Variants in RIGI observed in about 807,000 individuals in gnomAD.
RIGI encodes RNA sensor RIG-I, also known as antiviral innate immune response receptor RIG-I.
At chr9:32,480,281 A>G in the RIGI span, 1 of 1,611,784 alleles carries the variant, frequency 6.2e-7, no homozygotes, top group Non-Finnish European at 8.5e-7. Context: ...GACATTGCTG[A>G]AGAAGTCTTT....
At chr9:32,509,288 C>T in the RIGI span, among the ~76,000 whole-genome samples, 1 of 152,234 alleles carries the variant, frequency 6.6e-6, no homozygotes, top group Non-Finnish European at 1.5e-5. Flanking sequence ...GTCCCTGATA[C>T]CTGTGCCTCC....
the RIGI span, among the ~76,000 whole-genome samples, chr9:32,519,342 C>T: frequency 6.6e-6 from 1 of 152,126 alleles, no homozygotes; most frequent in East Asian, 1.9e-4. Flanking sequence ...TCCAGTATCT[C>T]ATCATTTGCT....
the RIGI span, chr9:32,492,630 T>C: frequency 6.8e-7 from 1 of 1,467,382 alleles, no homozygotes; most frequent in Middle Eastern, 1.8e-4. Context: ...ATGTACTATC[T>C]GATTTAAAGC....
the RIGI span, among the ~76,000 whole-genome samples, chr9:32,505,770 A>C: frequency 6.6e-6 from 1 of 152,188 alleles, no homozygotes; most frequent in African/African-American, 2.4e-5. Context: ...GCATAGTTTT[A>C]TGTCACATAA....
chr9:32,481,599 T>TC, the RIGI span: 27 of 887,942 alleles, frequency 3.0e-5, no homozygotes, highest in Non-Finnish European at 4.0e-5. Flanking sequence ...TTTTTTTTTT[T>TC]CCTCGAGGCA....
the RIGI span, chr9:32,525,997 G>C: frequency 3.8e-5 from 48 of 1,259,636 alleles, no homozygotes; most frequent in Non-Finnish European, 4.7e-5. Context: ...AGAAGGGAAC[G>C]AAGCAAGAGA....
the RIGI span, among the ~76,000 whole-genome samples, chr9:32,510,726 C>G: frequency 5.9e-5 from 9 of 152,174 alleles, no homozygotes; most frequent in Non-Finnish European, 1.0e-4. Flanking sequence ...GGATCAAATT[C>G]ACACATAACA....
At chr9:32,493,000 A>G in the RIGI span, among the ~76,000 whole-genome samples, 1 of 152,212 alleles carries the variant, frequency 6.6e-6, no homozygotes, top group African/African-American at 2.4e-5. Flanking sequence ...AGTACTTTAC[A>G]TATATTATCT....
the RIGI span, chr9:32,456,835 A>G: frequency 1.4e-5 from 5 of 354,758 alleles, no homozygotes; most frequent in Non-Finnish European, 2.6e-5. Context: ...CAGTGTGTAC[A>G]GAGTGATTAC....
At chr9:32,462,403 GCT>G in the RIGI span, among the ~76,000 whole-genome samples, 28 of 111,584 alleles carry the variant, frequency 2.5e-4, no homozygotes, top group Non-Finnish European at 4.3e-4. Flanking sequence ...ATTAGATCTA[GCT>G]TTTTTTTTTT....
At chr9:32,491,968 G>A in the RIGI span, among the ~76,000 whole-genome samples, 425 of 152,238 alleles carry the variant, frequency 2.8e-3, 3 homozygotes, top group African/African-American at 9.7e-3. Context: ...TCTTTCACCC[G>A]TCGGATTCAG....
At chr9:32,525,961 C>G in the RIGI span, 2 of 946,936 alleles carry the variant, frequency 2.1e-6, no homozygotes, top group Non-Finnish European at 3.4e-6. Flanking sequence ...CCTGGGGAGT[C>G]TGGCAGGCTC....
At chr9:32,477,700 G>C in the RIGI span, among the ~76,000 whole-genome samples, 3 of 152,134 alleles carry the variant, frequency 2.0e-5, no homozygotes. Context: ...TGAGATGGGT[G>C]GATCACCTGA....
At chr9:32,489,011 G>A in the RIGI span, 1 of 823,174 alleles carries the variant, frequency 1.2e-6, no homozygotes, top group Non-Finnish European at 1.8e-6. Context: ...ATTTAAATAT[G>A]TTAATGATTA....
the RIGI span, chr9:32,457,011 A>G: frequency 8.6e-6 from 7 of 817,120 alleles, no homozygotes; most frequent in African/African-American, 1.7e-5. Context: ...GATATTTTTA[A>G]AAAATATATT....
chr9:32,489,135 G>C, the RIGI span, among the ~76,000 whole-genome samples: 2 of 151,940 alleles, frequency 1.3e-5, no homozygotes, highest in Non-Finnish European at 2.9e-5. Context: ...CTCATGAAAG[G>C]TAAAGAAAAT....
At chr9:32,491,180 C>T in the RIGI span, 7 of 1,127,510 alleles carry the variant, frequency 6.2e-6, no homozygotes, top group Non-Finnish European at 7.6e-6. Context: ...ATTCTCTTTA[C>T]TTTCTTAATT....
the RIGI span, chr9:32,457,566 A>C: frequency 1.4e-5 from 10 of 734,768 alleles, no homozygotes; most frequent in African/African-American, 1.4e-4. Flanking sequence ...GAGGAAAAAA[A>C]AAAATAGATT....
the RIGI span, among the ~76,000 whole-genome samples, chr9:32,497,314 G>C: frequency 1.3e-5 from 2 of 152,080 alleles, no homozygotes; most frequent in Non-Finnish European, 2.9e-5. Flanking sequence ...AAATGGAATT[G>C]TTACCTTAAT....
Sources: allele counts gnomAD v4.1 joint callset (sites outside exome capture counted in the v4.1 genomes callset), GRCh38; gene constraint gnomAD v4.1.1; transcripts MANE v1.5; gene names NCBI Gene and HGNC (gene_info 2026-07-23, HGNC 2026-07-21).